Variants in EPHA5 observed in about 807,000 individuals in gnomAD.
The protein encoded by EPHA5 is ephrin type-A receptor 5.
EPHA5 carries 60 observed loss-of-function variants against 105.0 expected under a neutral mutation model. The ratio of observed to expected loss-of-function variants is 0.57; its 90% CI spans 0.46 to 0.71. The LOEUF (loss-of-function observed/expected upper bound fraction) is 0.71. Among genes scored for constraint, EPHA5 ranks in the 30% least tolerant of loss-of-function variants. The probability of loss-of-function intolerance (pLI) is 0.00; values close to 1 mark genes in which losing one functional copy is unlikely to be tolerated. For missense variants in EPHA5, 1,218 were observed against 1,274.7 expected (o/e 0.96, Z 0.68); for synonymous variants, 513 against 449.1 (o/e 1.14, Z -1.80).
At chr4:65,479,745 C>T (rs757118556) in intron 5 of EPHA5, among the ~76,000 whole-genome samples, 3 of 151,500 alleles carry the variant, frequency 2.0e-5, no homozygotes, top group Non-Finnish European at 4.4e-5. Flanking sequence ...CATTAAATGG[C>T]CATAAGCAAC....
intron 5 of EPHA5, among the ~76,000 whole-genome samples, chr4:65,482,412 A>C (rs1730465544): frequency 6.6e-6 from 1 of 151,322 alleles, no homozygotes; most frequent in Admixed American, 6.6e-5. Flanking sequence ...TGCTATCTTT[A>C]AAAAAACTCT....
chr4:65,424,963 AT>A (rs1455761225), intron 5 of EPHA5, among the ~76,000 whole-genome samples: 4 of 152,140 alleles, frequency 2.6e-5, no homozygotes, highest in African/African-American at 9.6e-5. Context: ...AGAAAATACC[AT>A]TCACGCATCC....
intron 16 of EPHA5, among the ~76,000 whole-genome samples, chr4:65,325,868 G>A (rs1488715482): frequency 6.6e-6 from 1 of 150,510 alleles, no homozygotes; most frequent in Admixed American, 6.7e-5. Flanking sequence ...TAGAATATTC[G>A]GCTGCATCCT....
chr4:65,521,713 C>A (rs1734740238), intron 3 of EPHA5, among the ~76,000 whole-genome samples: 1 of 151,972 alleles, frequency 6.6e-6, no homozygotes, highest in Non-Finnish European at 1.5e-5. Context: ...CTACTCTGGT[C>A]CTAATCATTT....
chr4:65,629,729 A>G (rs917349841), intron 2 of EPHA5, among the ~76,000 whole-genome samples: 1 of 152,080 alleles, frequency 6.6e-6, no homozygotes, highest in African/African-American at 2.4e-5. Flanking sequence ...GCTCTCCTTA[A>G]CTGTAGTGAT....
At chr4:65,572,068 G>A (rs1027967811) in intron 3 of EPHA5, among the ~76,000 whole-genome samples, 4 of 151,906 alleles carry the variant, frequency 2.6e-5, no homozygotes, top group African/African-American at 9.7e-5. Flanking sequence ...ATATGAAGGG[G>A]TTAAGATATT....
chr4:65,498,176 T>C (rs1466697353), intron 3 of EPHA5, among the ~76,000 whole-genome samples: 1 of 151,762 alleles, frequency 6.6e-6, no homozygotes, highest in Non-Finnish European at 1.5e-5. Flanking sequence ...AATAGCGAAA[T>C]GGAAGATACT....
chr4:65,659,331 A>C (rs1474345781), intron 1 of EPHA5, among the ~76,000 whole-genome samples: 8 of 25,230 alleles, frequency 3.2e-4, no homozygotes, highest in African/African-American at 1.1e-3. Context: ...AAAAAAAAAA[A>C]AAAAAAAAAA....
intron 3 of EPHA5, among the ~76,000 whole-genome samples, chr4:65,520,889 G>T (rs1030082136): frequency 2.6e-5 from 4 of 152,168 alleles, no homozygotes; most frequent in African/African-American, 9.7e-5. Context: ...GTGCTGGAGA[G>T]GATGTGGAGA....
chr4:65,436,661 G>T (rs916338201), intron 5 of EPHA5, among the ~76,000 whole-genome samples: 1 of 152,068 alleles, frequency 6.6e-6, no homozygotes, highest in African/African-American at 2.4e-5. Flanking sequence ...ATTGAACAGT[G>T]TAGTATTTAT....
chr4:65,410,241 C>A (rs1722789423), intron 7 of EPHA5, among the ~76,000 whole-genome samples: 1 of 152,110 alleles, frequency 6.6e-6, no homozygotes, highest in South Asian at 2.1e-4. Flanking sequence ...TAAAAATAAA[C>A]AAACTTGATA....
chr4:65,541,952 C>T (rs571848470), intron 3 of EPHA5, among the ~76,000 whole-genome samples: 67 of 152,054 alleles, frequency 4.4e-4, no homozygotes, highest in African/African-American at 1.5e-3. Context: ...CAAAACCACA[C>T]GACAACATGG....
intron 3 of EPHA5, among the ~76,000 whole-genome samples, chr4:65,513,395 T>C (rs1733807870): frequency 6.6e-6 from 1 of 152,186 alleles, no homozygotes; most frequent in South Asian, 2.1e-4. Context: ...TGTTTTGTTT[T>C]GTTTTTTCTG....
intron 3 of EPHA5, among the ~76,000 whole-genome samples, chr4:65,552,867 T>G (rs924156926): frequency 6.6e-6 from 1 of 152,146 alleles, no homozygotes; most frequent in Non-Finnish European, 1.5e-5. Context: ...TTCTTTTTTT[T>G]AGTAAATAAG....
intron 5 of EPHA5, among the ~76,000 whole-genome samples, chr4:65,454,782 A>G (rs574386782): frequency 1.3e-5 from 2 of 152,238 alleles, no homozygotes; most frequent in African/African-American, 4.8e-5. Flanking sequence ...GTGGAAGTGC[A>G]TTCAAAATTG....
chr4:65,366,671 G>A (rs1361236190), intron 9 of EPHA5, among the ~76,000 whole-genome samples: 1 of 151,746 alleles, frequency 6.6e-6, no homozygotes, highest in Non-Finnish European at 1.5e-5. Flanking sequence ...GATACGATTA[G>A]GAAATGAACT....
intron 3 of EPHA5, among the ~76,000 whole-genome samples, chr4:65,571,971 A>T (rs1302003124): frequency 6.6e-6 from 1 of 152,008 alleles, no homozygotes; most frequent in African/African-American, 2.4e-5. Flanking sequence ...AATTATTAAA[A>T]TTTTTACTTT....
chr4:65,460,058 A>T (rs970230836), intron 5 of EPHA5, among the ~76,000 whole-genome samples: 1 of 151,712 alleles, frequency 6.6e-6, no homozygotes, highest in Non-Finnish European at 1.5e-5. Context: ...CTGGAAAATA[A>T]TGCATTCTTG....
intron 3 of EPHA5, among the ~76,000 whole-genome samples, chr4:65,510,291 C>T (rs1014187358): frequency 1.3e-5 from 2 of 151,596 alleles, no homozygotes; most frequent in South Asian, 2.1e-4. Context: ...GTGATCAGCC[C>T]ACCTCGGCCT....
Sources: gnomAD v4.1 joint callset for allele counts (sites outside exome capture counted in the v4.1 genomes callset) on GRCh38, gnomAD v4.1.1 for gene constraint, MANE v1.5 for transcripts, NCBI Gene and HGNC (gene_info 2026-07-23, HGNC 2026-07-21) for gene names.